The following PNPLA3 variants were observed in gnomAD, a reference collection of about 807,000 sequenced individuals.
PNPLA3 encodes the protein patatin like domain 3, 1-acylglycerol-3-phosphate O-acyltransferase, also known as 1-acylglycerol-3-phosphate O-acyltransferase PNPLA3.
PNPLA3 carries 42 observed loss-of-function variants against 43.1 expected under a neutral mutation model. That is an observed-to-expected ratio of 0.97 (90% CI 0.76 to 1.26). PNPLA3 has a LOEUF of 1.26. PNPLA3 is among the 50% of genes most tolerant of loss of function. The pLI is 0.00. For missense variants in PNPLA3, 647 were observed against 621.4 expected (o/e 1.04, Z -0.44); for synonymous variants, 272 against 253.6 (o/e 1.07, Z -0.69).
chr22:43,936,586 G>T (rs1184577723), intron 5 of PNPLA3, among the ~76,000 whole-genome samples: 2 of 152,194 alleles, frequency 1.3e-5, no homozygotes, highest in Non-Finnish European at 2.9e-5. Context: ...ATCAGACCCA[G>T]CTTCAAATCC....
chr22:43,944,833 C>A, intron 8 of PNPLA3, 38 bp downstream of exon 8: 1 of 1,530,520 alleles, frequency 6.5e-7, no homozygotes, highest in South Asian at 1.1e-5. Flanking sequence ...GCCGGACGGG[C>A]ACCTCTCTCA....
At position 43,946,947 on chromosome 22, in the gene PNPLA3, T is replaced by C. The variant is rs932242011; in HGVS notation, c.*565T>C. The C allele has an allele frequency of 1.6e-5, 5 of 308,318 alleles. No individual in the cohort carries two copies. 19.1% of individuals were successfully genotyped at this position (308,318 alleles called of 1,614,324 possible). ...TAATCTACTTAATTTTAGAACACCT[T>C]TTTCACCTAACTAAAATAATGTTTA... On this transcript the variant is annotated 3_prime_UTR_variant, in exon 9 of 9. Coordinates refer to ENST00000216180, the MANE Select transcript of PNPLA3 (RefSeq NM_025225.3).
At chr22:43,934,800 T>C (rs893016039) in intron 5 of PNPLA3, 134 bp downstream of exon 5, 6 of 810,730 alleles carry the variant, frequency 7.4e-6, no homozygotes, top group African/African-American at 5.1e-5. Context: ...AACCTACTCA[T>C]GAGCCCAGGA....
intron 3 of PNPLA3, among the ~76,000 whole-genome samples, chr22:43,930,479 G>T (rs1483235748): frequency 6.6e-6 from 1 of 152,154 alleles, no homozygotes; most frequent in South Asian, 2.1e-4. Flanking sequence ...TGTTATGCTG[G>T]TGGCTTTATG....
chr22:43,932,278 G>A (rs1006881217), intron 3 of PNPLA3, among the ~76,000 whole-genome samples: 1 of 152,194 alleles, frequency 6.6e-6, no homozygotes, highest in African/African-American at 2.4e-5. Flanking sequence ...TGTGTTGTGG[G>A]TTAGAGGACA....
chr22:43,944,165 A>C, intron 7 of PNPLA3, among the ~76,000 whole-genome samples: 1 of 150,288 alleles, frequency 6.7e-6, no homozygotes, highest in Non-Finnish European at 1.5e-5. Flanking sequence ...TTCCTTCTCC[A>C]CTCCCCAGGA....
chr22:43,931,439 G>A (rs2049961134), intron 3 of PNPLA3, among the ~76,000 whole-genome samples: 2 of 152,174 alleles, frequency 1.3e-5, no homozygotes, highest in African/African-American at 4.8e-5. Context: ...GAATGAAGAT[G>A]ATCCACCAGC....
intron 7 of PNPLA3, among the ~76,000 whole-genome samples, chr22:43,943,860 C>G (rs1219748128): frequency 2.6e-5 from 4 of 152,132 alleles, no homozygotes; most frequent in African/African-American, 9.7e-5. Flanking sequence ...GCGATCTCAG[C>G]TCACTGCAAC....
chr22:43,934,495 G>T, intron 4 of PNPLA3, 111 bp from the exon 5 acceptor site: 1 of 1,136,472 alleles, frequency 8.8e-7, no homozygotes, highest in South Asian at 1.3e-5. Flanking sequence ...CCAGCCAGCA[G>T]ACTCAGAGCT....
chr22:43,926,075 T>C lies in PNPLA3; in HGVS notation c.188-860T>C, dbSNP rs1340745567. 2.0e-5 allele frequency among the ~76,000 whole-genome samples: 3 copies of C among 152,320 alleles called. No individual in the cohort carries two copies. In the East Asian group the frequency reaches 5.8e-4, roughly 29 times the overall value. On this transcript the variant is annotated intron_variant, in intron 1 of 8. Transcript: ENST00000216180. ...TAACCCCCTGTCTCACAGAGGGCTG[T>C]GCACTTGGGGGCTGCTGAGCATGTC... is the stretch of plus-strand genomic sequence containing the variant.
In PNPLA3 at chr22:43,942,701, C is replaced by CTT. The variant is rs398037291; in HGVS notation, c.1113-1972_1113-1971dup. ...TTCCTTCCCTTCCATTTTCTTTTTTCTTTTTTTTTTTTTTTTTTTGAGACA... is the reference window on the plus strand; with the variant it reads ...TTCCTTCCCTTCCATTTTCTTTTTTCTTTTTTTTTTTTTTTTTTTTTGAGACA... On this transcript the variant is annotated intron_variant, in intron 7 of 8. Coordinates refer to ENST00000216180, the MANE Select transcript of PNPLA3 (RefSeq NM_025225.3). 5.3e-3 allele frequency among the ~76,000 whole-genome samples: 602 copies of CTT among 113,662 alleles called. 20 individuals are homozygous for CTT. The highest frequency in any genetic ancestry group is 0.014 in the African/African-American group (422 of 29,558). 74.6% of individuals were successfully genotyped at this position (113,662 alleles called of 152,430 possible).
At chr22:43,929,450 TG>T (rs529180307) in intron 3 of PNPLA3, among the ~76,000 whole-genome samples, 53 of 145,688 alleles carry the variant, frequency 3.6e-4, no homozygotes, top group African/African-American at 1.2e-3. Context: ...CACTCCATCC[TG>T]GGTGACAGAG....
intron 1 of PNPLA3, 31 bp downstream of exon 1, chr22:43,924,129 G>C (rs1481637245): frequency 6.7e-7 from 1 of 1,498,448 alleles, no homozygotes; most frequent in Admixed American, 2.2e-5. Context: ...CGGGCTCCAC[G>C]TGCGGAGTGG....
At chr22:43,939,003 G>A (rs1159721150) in intron 6 of PNPLA3, among the ~76,000 whole-genome samples, 1 of 152,172 alleles carries the variant, frequency 6.6e-6, no homozygotes, top group Non-Finnish European at 1.5e-5. Context: ...TTGGCTCACT[G>A]GAGCCTCCAT....
chr22:43,929,184 A>C (rs1434158307), intron 3 of PNPLA3, among the ~76,000 whole-genome samples: 1 of 152,148 alleles, frequency 6.6e-6, no homozygotes, highest in African/African-American at 2.4e-5. Flanking sequence ...TAGTTAAACT[A>C]TATGATGTTG....
At position 43,924,685 on chromosome 22, in the gene PNPLA3, T is replaced by G. The variant is rs542054851; in HGVS notation, c.187+587T>G. 2.1e-4 allele frequency among the ~76,000 whole-genome samples: 32 copies of G among 151,380 alleles called. No homozygotes were observed. In the East Asian group the frequency reaches 6.1e-3, roughly 29 times the overall value. On this transcript the variant is annotated intron_variant, in intron 1 of 8. Transcript: ENST00000216180. Reference sequence around the variant, plus strand: ...TTTTTTGAGACGGAGTTTCGCTCAGTCGCCCAGGCTGGAGTGCAGTGGCGT... The same window carrying G: ...TTTTTTGAGACGGAGTTTCGCTCAGGCGCCCAGGCTGGAGTGCAGTGGCGT...
Position 43,946,517 on chromosome 22 carries a change from GT to G in PNPLA3, c.*139del. 1.1e-6 allele frequency: 1 copy of G among 917,028 alleles called. No homozygotes were observed. The highest frequency in any genetic ancestry group is 1.7e-6 in the Non-Finnish European group (1 of 576,808). 56.8% of individuals were successfully genotyped at this position (917,028 alleles called of 1,614,324 possible). Reference sequence around the variant, plus strand: ...GGATCCCAGCCTCTGAGCTGAGTTGGTTTTATGAAAAGCTAGGAAGCAACCT... The same window carrying G: ...GGATCCCAGCCTCTGAGCTGAGTTGGTTTATGAAAAGCTAGGAAGCAACCT... On this transcript the variant is annotated 3_prime_UTR_variant, in exon 9 of 9. Transcript: ENST00000216180.
Position 43,946,323 on chromosome 22 carries a change from C to T in PNPLA3, c.1387C>T (p.Pro463Ser). 1 of 1,614,178 alleles carries T rather than the reference C, an allele frequency of 6.2e-7. No homozygotes were observed. Residue 463 changes from proline (P) to serine (S), a missense_variant, in exon 9 of 9, where the codon CCT becomes TCT. Physicochemically the swap from Pro to Ser is moderately conservative, Grantham distance 74 (BLOSUM62 -1). Coordinates refer to ENST00000216180, the MANE Select transcript of PNPLA3 (RefSeq NM_025225.3). ...GAACTTCTTCTTGGGCAATAAAGTA[C>T]CTGCTGGTGCTGAGGGGCTCTCCAC... Reference protein sequence around the residue: ...SLNFFLGNKVPAGAEGLSTFP... With the variant: ...SLNFFLGNKVSAGAEGLSTFP...
rs1274401167 is a variant in PNPLA3, at chr22:43,946,337, G to A, written c.1401G>A (p.Glu467=). ...GCAATAAAGTACCTGCTGGTGCTGA[G>A]GGGCTCTCCACCTTTCCCAGTTTTT... ...FLGNKVPAGA[E]GLSTFPSFSL... is the part of the protein sequence containing the mutation. The change falls in exon 9 of 9, where the codon GAG becomes GAA. Residue 467 remains glutamate (E), a synonymous_variant. Coordinates refer to ENST00000216180, the MANE Select transcript of PNPLA3 (RefSeq NM_025225.3). The A allele has an allele frequency of 6.2e-7, 1 of 1,614,184 alleles. No homozygotes were observed. The highest frequency in any genetic ancestry group is 8.5e-7 in the Non-Finnish European group (1 of 1,180,032).
Sources: allele counts gnomAD v4.1 joint callset (sites outside exome capture counted in the v4.1 genomes callset), GRCh38; gene constraint gnomAD v4.1.1; transcripts MANE v1.5; gene names NCBI Gene and HGNC (gene_info 2026-07-23, HGNC 2026-07-21).